The following LVRN variants were observed in gnomAD, a reference collection of about 807,000 sequenced individuals.
LVRN encodes the protein aminopeptidase Q.
A neutral mutation model predicts 111.4 loss-of-function variants in LVRN; 99 were observed. That is an observed-to-expected ratio of 0.89 (90% CI 0.76 to 1.05). The LOEUF is 1.05. Among genes scored for constraint, LVRN ranks in the 50% least tolerant of loss-of-function variants. The pLI is 0.00. For synonymous variants in LVRN, 488 were observed against 449.5 expected, an observed-to-expected ratio of 1.09 and a Z score of -1.08; for missense variants, 1,414 against 1,206.8, an observed-to-expected ratio of 1.17 and a Z score of -2.54.
intron 1 of LVRN, chr5:115,976,294 G>A (rs1016000244): frequency 2.6e-5 from 4 of 152,250 alleles, no homozygotes; most frequent in African/African-American, 9.6e-5. Context: ...TTGGTTAGAT[G>A]AGAGTAAGTG....
chr5:116,010,063 C>T (rs944262834), intron 13 of LVRN, among the ~76,000 whole-genome samples: 1 of 152,178 alleles, frequency 6.6e-6, no homozygotes, highest in African/African-American at 2.4e-5. Flanking sequence ...ATTGCCATAG[C>T]CACCTCAGCT....
intron 1 of LVRN, chr5:115,974,408 T>A (rs913181850): frequency 6.6e-6 from 1 of 152,284 alleles, no homozygotes. Flanking sequence ...GATTGCAATA[T>A]AAACACTAAC....
At chr5:116,022,030 T>A (rs1360286831) in intron 18 of LVRN, among the ~76,000 whole-genome samples, 1 of 152,224 alleles carries the variant, frequency 6.6e-6, no homozygotes, top group Admixed American at 6.5e-5. Flanking sequence ...GGATCCTCTA[T>A]GAACTACTGT....
intron 3 of LVRN, 66 bp downstream of exon 3, chr5:115,984,775 C>A: frequency 6.3e-7 from 1 of 1,586,062 alleles, no homozygotes; most frequent in South Asian, 1.2e-5. Context: ...TCTATTCTTT[C>A]TGCATCCAGT....
chr5:115,974,308 A>G (rs1026534495), intron 1 of LVRN, among the ~76,000 whole-genome samples: 2 of 152,190 alleles, frequency 1.3e-5, no homozygotes, highest in Non-Finnish European at 2.9e-5. Flanking sequence ...ACACCTACCA[A>G]CTCTGAAGGT....
At chr5:115,968,741 G>A (rs902341235) in intron 1 of LVRN, among the ~76,000 whole-genome samples, 2 of 152,034 alleles carry the variant, frequency 1.3e-5, no homozygotes, top group Admixed American at 6.6e-5. Context: ...TCCTTCTGAC[G>A]GTATAACCCT....
intron 1 of LVRN, among the ~76,000 whole-genome samples, chr5:115,971,642 A>G (rs1282353062): frequency 6.6e-6 from 1 of 151,960 alleles, no homozygotes. Flanking sequence ...ATGTGGGTAT[A>G]TTTTTTGATT....
intron 6 of LVRN, among the ~76,000 whole-genome samples, chr5:115,998,723 C>T (rs185667667): frequency 8.0e-4 from 122 of 152,276 alleles, no homozygotes; most frequent in African/African-American, 2.9e-3. Flanking sequence ...GAAATACAGG[C>T]TCCAACCCAA....
At chr5:116,014,642 C>G (rs1748561720) in intron 16 of LVRN, 115 bp downstream of exon 16, 5 of 779,488 alleles carry the variant, frequency 6.4e-6, no homozygotes, top group African/African-American at 3.5e-5. Flanking sequence ...GTTAGGCGCT[C>G]TCTCCTACTA....
intron 18 of LVRN, among the ~76,000 whole-genome samples, chr5:116,018,672 A>G (rs2457143): frequency 0.28 from 42,891 of 151,700 alleles, 6,477 homozygotes; most frequent in African/African-American, 0.37. Flanking sequence ...ACAAAACTCC[A>G]TCTCCAAAAA....
At chr5:116,021,193 A>G (rs1450104899) in intron 18 of LVRN, 1 of 152,186 alleles carries the variant, frequency 6.6e-6, no homozygotes, top group African/African-American at 2.4e-5. Flanking sequence ...CAATTTATAA[A>G]TTGCCCAAGG....
At chr5:116,014,664 T>TA in intron 16 of LVRN, 137 bp downstream of exon 16, 1 of 686,558 alleles carries the variant, frequency 1.5e-6, no homozygotes, top group Non-Finnish European at 2.5e-6. Context: ...TCTTTTCAAA[T>TA]ACCTTTTTTA....
At chr5:115,980,477 G>A (rs967323116) in intron 1 of LVRN, among the ~76,000 whole-genome samples, 15 of 152,124 alleles carry the variant, frequency 9.9e-5, no homozygotes, top group African/African-American at 3.6e-4. Flanking sequence ...TTGGAGACCT[G>A]AATCATGGAA....
intron 2 of LVRN, 22 bp downstream of exon 2, chr5:115,983,451 T>C (rs761908816): frequency 2.5e-6 from 4 of 1,574,658 alleles, no homozygotes; most frequent in East Asian, 2.2e-5. Flanking sequence ...TTTCTGTCTA[T>C]ATCTAGCTGT....
At chr5:115,977,376 T>C (rs1356294361) in intron 1 of LVRN, among the ~76,000 whole-genome samples, 1 of 152,232 alleles carries the variant, frequency 6.6e-6, no homozygotes, top group Non-Finnish European at 1.5e-5. Context: ...TTGTAGCATT[T>C]GCTTTGCTTG....
At chr5:116,003,743 G>A (rs924976937) in intron 12 of LVRN, among the ~76,000 whole-genome samples, 15 of 151,902 alleles carry the variant, frequency 9.9e-5, no homozygotes, top group African/African-American at 2.7e-4. Flanking sequence ...CACCACGCCC[G>A]GCTAATTTTT....
At chr5:116,001,980 A>T (rs147150009) in intron 10 of LVRN, among the ~76,000 whole-genome samples, 13 of 152,146 alleles carry the variant, frequency 8.5e-5, no homozygotes, top group Non-Finnish European at 1.9e-4. Flanking sequence ...ACTGTTTTTG[A>T]TAGTTTTAAT....
At chr5:116,015,139 G>C (rs550004848) in intron 16 of LVRN, 113 bp from the exon 17 acceptor site, 28 of 737,200 alleles carry the variant, frequency 3.8e-5, no homozygotes, top group Non-Finnish European at 1.9e-6. Context: ...TCCTACTTTT[G>C]ACCTTTATAT....
intron 5 of LVRN, 31 bp from the exon 6 acceptor site, chr5:115,993,709 GA>G: frequency 7.2e-7 from 1 of 1,392,000 alleles, no homozygotes; most frequent in South Asian, 1.2e-5. Flanking sequence ...TTAAATTTAA[GA>G]AAGCTCTTTT....
Sources: gnomAD v4.1 joint callset for allele counts (sites outside exome capture counted in the v4.1 genomes callset) on GRCh38, gnomAD v4.1.1 for gene constraint, MANE v1.5 for transcripts, NCBI Gene and HGNC (gene_info 2026-07-23, HGNC 2026-07-21) for gene names.